Variants in KANK3 observed in about 807,000 individuals in gnomAD.
KANK3 encodes the protein KN motif and ankyrin repeat domains 3, also known as KN motif and ankyrin repeat domain-containing protein 3.
In KANK3, 61 loss-of-function variants were observed where a neutral mutation model predicts 65.4. The ratio of observed to expected loss-of-function variants is 0.93; its 90% CI spans 0.76 to 1.15. The LOEUF is 1.15. Ranked by LOEUF, KANK3 falls within the 50% of genes most tolerant of loss-of-function variation. KANK3 has a pLI of 0.00. For missense variants in KANK3, 1,187 were observed against 1,178.8 expected, an observed-to-expected ratio of 1.01 and a Z score of -0.10; for synonymous variants, 586 against 543.3, an observed-to-expected ratio of 1.08 and a Z score of -1.09.
At chr19:8,330,867 G>A (rs545182306) in intron 7 of KANK3, among the ~76,000 whole-genome samples, 1 of 151,248 alleles carries the variant, frequency 6.6e-6, no homozygotes, top group South Asian at 2.1e-4. Flanking sequence ...TTGCACCACT[G>A]CAGTCCAGCC....
At position 8,338,413 on chromosome 19, in the gene KANK3, G is replaced by T. The variant is rs538716979; in HGVS notation, c.-28-557C>A. 1.4e-4 allele frequency among the ~76,000 whole-genome samples: 22 copies of T among 152,268 alleles called. No homozygotes were observed. The South Asian group carries it at 4.1e-3, about 29-fold the overall frequency. ...AAGCAGGAAAGACATCAAGCAAAAAGAAGAAGGTGACCAAGAAAACAAGGG... is the reference window on the plus strand; with the variant it reads ...AAGCAGGAAAGACATCAAGCAAAAATAAGAAGGTGACCAAGAAAACAAGGG... On this transcript the variant is annotated intron_variant, in intron 1 of 10. Coordinates refer to ENST00000330915, the MANE Select transcript of KANK3 (RefSeq NM_198471.3).
Position 8,329,492 on chromosome 19 carries a change from CAAAA to C in KANK3, c.1936+3518_1936+3521del, listed in dbSNP as rs59607185. On this transcript the variant is annotated intron_variant, in intron 7 of 10. Transcript: ENST00000330915. ...CAGGCAACAGAGCAAGACTCGGCCT[CAAAA>C]AAAAAAAAAAAAAAAAAAAAAAGAC... 7.8e-3 allele frequency among the ~76,000 whole-genome samples: 400 copies of C among 51,118 alleles called. 6 individuals carry two copies. Among genetic ancestry groups the C allele is most frequent in the African/African-American group, 0.023 (313 of 13,766 alleles). The allele number at this position is 51,118 out of a possible 152,430, so 33.5% of individuals were successfully genotyped here.
rs1970338077 is a variant in KANK3, at chr19:8,322,618, AG to A, written c.*220del. ...TGTTTTATTAGCAAAGAAGTTTCAG[AG>A]AGTGGGTGGATCAGGGCTCTATCAC... is the stretch of plus-strand genomic sequence containing the variant. On this transcript the variant is annotated 3_prime_UTR_variant, in exon 11 of 11. Transcript: ENST00000330915. 1 of 544,200 alleles carries A rather than the reference AG, an allele frequency of 1.8e-6. No individual in the cohort carries two copies. Among genetic ancestry groups the A allele is most frequent in the African/African-American group, 2.9e-5 (1 of 34,706 alleles). 33.7% of individuals were successfully genotyped at this position (544,200 alleles called of 1,614,324 possible).
In KANK3 at chr19:8,322,823, AGC is replaced by A. The variant is rs771571328; in HGVS notation, c.*14_*15del. 2 of 1,593,984 alleles carry A rather than the reference AGC, an allele frequency of 1.3e-6. No homozygotes were observed. The highest frequency in any genetic ancestry group is 1.7e-6 in the Non-Finnish European group (2 of 1,164,718). On this transcript the variant is annotated 3_prime_UTR_variant, in exon 11 of 11. Coordinates refer to ENST00000330915, the MANE Select transcript of KANK3 (RefSeq NM_198471.3). ...GATCTCCCCACAGCTAGGTGTAGTG[AGC>A]CAGACGAGGCAGCTTACTGAACCTG... is the stretch of plus-strand genomic sequence containing the variant.
rs1162491299 is a variant in KANK3 at position 8,324,669 on chromosome 19, C to G, written c.2244G>C (p.Leu748=). The G allele has an allele frequency of 9.9e-6, 16 of 1,613,870 alleles. No individual in the cohort carries two copies. Among genetic ancestry groups the G allele is most frequent in the Non-Finnish European group, 1.4e-5 (16 of 1,180,020 alleles). The part of the protein sequence containing the change: ...EYGRLDTVRL[L]LTQPGCDPAI... ...CAGGGTCACAGCCTGGCTGGGTGAG[C>G]AGCAGCCGCACGGTGTCCAGGCGCC... Residue 748 remains leucine (L), a synonymous_variant, in exon 9 of 11, where the codon CTG becomes CTC. Coordinates refer to ENST00000330915, the MANE Select transcript of KANK3 (RefSeq NM_198471.3).
rs898634363 is a variant in KANK3 at position 8,333,215 on chromosome 19, C to T, written c.1735G>A (p.Val579Met). The T allele has an allele frequency of 2.0e-5, 33 of 1,611,148 alleles. No homozygotes were observed. In the Admixed American group the frequency reaches 2.8e-4, roughly 14 times the overall value. The change falls in exon 7 of 11, where the codon GTG (valine) becomes ATG (methionine). Residue 579 changes from valine to methionine, a missense_variant. Transcript: ENST00000330915. The surrounding 1 kb of genome is among the most constrained non-coding windows in gnomAD (Gnocchi z 5.0). ...VASDGGAVRL[V>M]AQEWFRVSSQ... Reference sequence around the variant, plus strand: ...GACACTCGAAACCACTCCTGGGCCACGAGGCGCACTGCGCCCTGCAAGGGA... The same window carrying T: ...GACACTCGAAACCACTCCTGGGCCATGAGGCGCACTGCGCCCTGCAAGGGA...
At chr19:8,325,358 G>T (rs1388971044) in intron 7 of KANK3, among the ~76,000 whole-genome samples, 1 of 133,170 alleles carries the variant, frequency 7.5e-6, no homozygotes, top group Non-Finnish European at 1.5e-5. Flanking sequence ...AGGCTGGAGT[G>T]CAGTGGTGCG....
chr19:8,342,764 A>G (rs905961070), intron 1 of KANK3, among the ~76,000 whole-genome samples: 1 of 152,190 alleles, frequency 6.6e-6, no homozygotes, highest in African/African-American at 2.4e-5. Flanking sequence ...CTAGCCGCAC[A>G]GAGACAGAGC....
At chr19:8,323,567 C>T (rs1376380303) in intron 10 of KANK3, 1 of 144,518 alleles carries the variant, frequency 6.9e-6, no homozygotes, top group Non-Finnish European at 1.6e-5. Context: ...CTCTTGTCTT[C>T]AAATGAAAAA....
chr19:8,325,123 G>C lies in KANK3; in HGVS notation c.1937-27C>G, dbSNP rs369537609. On this transcript the variant is annotated intron_variant, in intron 7 of 10. Coordinates refer to ENST00000330915, the MANE Select transcript of KANK3 (RefSeq NM_198471.3). ...TGGGAGAGAAAAGGGGGCCGTCCAC[G>C]GAGATGCCAACACCGCGGCCCGACT... 1.9e-6 allele frequency: 3 copies of C among 1,597,300 alleles called. No individual in the cohort carries two copies. In the African/African-American group the frequency reaches 4.0e-5, roughly 21 times the overall value.
chr19:8,332,426 C>A (rs1173583934), intron 7 of KANK3, among the ~76,000 whole-genome samples: 2 of 151,842 alleles, frequency 1.3e-5, no homozygotes, highest in Non-Finnish European at 1.5e-5. Flanking sequence ...GATCTGCCCA[C>A]CTCGGCCTCC....
intron 1 of KANK3, among the ~76,000 whole-genome samples, chr19:8,341,112 C>A (rs975762299): frequency 6.6e-6 from 1 of 152,102 alleles, no homozygotes; most frequent in East Asian, 1.9e-4. Context: ...GCAGTTGGAT[C>A]CAGAGGCTGG....
At position 8,324,792 on chromosome 19, in the gene KANK3, G is replaced by A; in HGVS notation, c.2121C>T (p.Gly707=). Residue 707 remains glycine (G), a synonymous_variant, in exon 9 of 11, where the codon GGC becomes GGT. Coordinates refer to ENST00000330915, the MANE Select transcript of KANK3 (RefSeq NM_198471.3). The part of the protein sequence containing the change: ...QTALMLAISH[G]RQDMVATLLA... ...GTAGGGTTGCCACCATGTCCTGTCGGCCATGGCTGATGGCCAGCATGAGGG... is the reference window on the plus strand; with the variant it reads ...GTAGGGTTGCCACCATGTCCTGTCGACCATGGCTGATGGCCAGCATGAGGG... 1 of 1,613,618 alleles carries A rather than the reference G, an allele frequency of 6.2e-7. No homozygotes were observed.
intron 7 of KANK3, among the ~76,000 whole-genome samples, chr19:8,329,259 G>A (rs1229891138): frequency 2.6e-5 from 4 of 151,396 alleles, no homozygotes; most frequent in Non-Finnish European, 4.4e-5. Context: ...GGCTGAGGCG[G>A]GCAGATCACC....
chr19:8,329,486 C>T (rs1439124979), intron 7 of KANK3, among the ~76,000 whole-genome samples: 3 of 83,472 alleles, frequency 3.6e-5, no homozygotes, highest in African/African-American at 5.0e-5. Flanking sequence ...GAGCAAGACT[C>T]GGCCTCAAAA....
rs765264510 is a variant in KANK3, at chr19:8,334,427, G to A, written c.1328-8C>T. On this transcript the variant is annotated splice_polypyrimidine_tract_variant and splice_region_variant and intron_variant, in intron 3 of 10. Transcript: ENST00000330915. ...TGATGGATTTGAGGATGCCTGGCGG[G>A]GATGAGATGAGGGCACTGAGTTCGA... 22 of 1,613,434 alleles carry A rather than the reference G, an allele frequency of 1.4e-5. No homozygotes were observed. Among genetic ancestry groups the A allele is most frequent in the Non-Finnish European group, 4.2e-6 (5 of 1,180,018 alleles).
chr19:8,339,365 T>TTG (rs1482237791), intron 1 of KANK3, among the ~76,000 whole-genome samples: 8 of 151,238 alleles, frequency 5.3e-5, no homozygotes, highest in Admixed American at 1.3e-4. Flanking sequence ...CTTTTTGTTT[T>TTG]TTTTTTTTTT....
rs1195593868 is a variant in KANK3, at chr19:8,333,070, A to T, written c.1880T>A (p.Leu627Gln). 6.6e-7 allele frequency: 1 copy of T among 1,524,226 alleles called. No individual in the cohort carries two copies. The highest frequency in any genetic ancestry group is 1.4e-5 in the African/African-American group (1 of 70,394). The allele number at this position is 1,524,226 out of a possible 1,614,324, so 94.4% of individuals were successfully genotyped here. The change falls in exon 7 of 11, where the codon CTG becomes CAG. Residue 627 changes from leucine to glutamine, a missense_variant. Coordinates refer to ENST00000330915, the MANE Select transcript of KANK3 (RefSeq NM_198471.3). The surrounding 1 kb of genome is among the most constrained non-coding windows in gnomAD (Gnocchi z 5.0). ...NLADGNGNTA[L>Q]HYSVSHGNLA... is the part of the protein sequence containing the mutation. ...GTTCCCGTGGGACACACTGTAGTGC[A>T]GGGCCGTGTTCCCGTTGCCATCCGC... is the stretch of plus-strand genomic sequence containing the variant.
intron 1 of KANK3, among the ~76,000 whole-genome samples, chr19:8,338,312 G>A (rs534433213): frequency 1.3e-5 from 2 of 151,946 alleles, no homozygotes; most frequent in Admixed American, 6.6e-5. Flanking sequence ...ATGAGCCACC[G>A]TGCCTAGCCG....
Sources: gnomAD v4.1 joint callset for allele counts (sites outside exome capture counted in the v4.1 genomes callset) on GRCh38, gnomAD v4.1.1 for gene constraint, Gnocchi (gnomAD v3.1) non-coding constraint, MANE v1.5 for transcripts, NCBI Gene and HGNC (gene_info 2026-07-23, HGNC 2026-07-21) for gene names.